ATG10: variants seen among roughly 807,000 people sequenced by gnomAD.
ATG10 encodes ubiquitin-like-conjugating enzyme ATG10.
A neutral mutation model predicts 32.1 loss-of-function variants in ATG10; 30 were observed. That is an observed-to-expected ratio of 0.94 (90% CI 0.70 to 1.27). The LOEUF (loss-of-function observed/expected upper bound fraction) is 1.27. Among genes scored for constraint, ATG10 ranks in the 50% most tolerant of loss-of-function variants. The probability of loss-of-function intolerance (pLI) is 0.00; values close to 1 mark genes in which losing one functional copy is unlikely to be tolerated. For synonymous variants in ATG10, 87 were observed against 91.5 expected (o/e 0.95, Z 0.28); for missense variants, 233 against 262.3 (o/e 0.89, Z 0.77).
At chr5:82,019,707 G>T (rs1446653465) in intron 2 of ATG10, among the ~76,000 whole-genome samples, 1 of 152,146 alleles carries the variant, frequency 6.6e-6, no homozygotes, top group East Asian at 1.9e-4. Context: ...ACCTACAGAT[G>T]GGGAGGGAGG....
intron 2 of ATG10, among the ~76,000 whole-genome samples, chr5:82,053,470 C>T (rs545484252): frequency 4.3e-3 from 3 of 690 alleles, no homozygotes; most frequent in South Asian, 0.05. Context: ...GTTAAGAATT[C>T]GTTGCATGCC....
intron 4 of ATG10, among the ~76,000 whole-genome samples, chr5:82,173,600 A>G (rs1277884807): frequency 1.3e-5 from 2 of 152,172 alleles, no homozygotes; most frequent in African/African-American, 2.4e-5. Flanking sequence ...CTCACTATGT[A>G]GGTTACTACT....
intron 2 of ATG10, among the ~76,000 whole-genome samples, chr5:82,007,834 T>C (rs1311665563): frequency 6.6e-6 from 1 of 152,168 alleles, no homozygotes; most frequent in Non-Finnish European, 1.5e-5. Flanking sequence ...TGCACACACA[T>C]ATATATATTT....
chr5:82,226,410 C>A (rs1421451555), intron 5 of ATG10, among the ~76,000 whole-genome samples: 1 of 151,844 alleles, frequency 6.6e-6, no homozygotes, highest in Non-Finnish European at 1.5e-5. Flanking sequence ...TATGTATAGT[C>A]AGTGAAATAA....
chr5:82,121,065 A>G (rs1766022886), intron 3 of ATG10, among the ~76,000 whole-genome samples: 1 of 152,218 alleles, frequency 6.6e-6, no homozygotes, highest in South Asian at 2.1e-4. Flanking sequence ...GGACCCAGGA[A>G]TAAGGGTTAG....
intron 3 of ATG10, among the ~76,000 whole-genome samples, chr5:82,077,212 A>G (rs1032631156): frequency 6.6e-6 from 1 of 152,150 alleles, no homozygotes; most frequent in Non-Finnish European, 1.5e-5. Context: ...AGTCCCAGCT[A>G]CACGAGAGGC....
At chr5:82,119,910 C>T (rs1392912884) in intron 3 of ATG10, among the ~76,000 whole-genome samples, 1 of 151,888 alleles carries the variant, frequency 6.6e-6, no homozygotes, top group African/African-American at 2.4e-5. Flanking sequence ...AGAGACAAAA[C>T]AACAACAACA....
At chr5:82,071,653 G>T (rs1199127177) in intron 3 of ATG10, among the ~76,000 whole-genome samples, 1 of 152,056 alleles carries the variant, frequency 6.6e-6, no homozygotes, top group African/African-American at 2.4e-5. Flanking sequence ...ACGTGTAGAG[G>T]GTAGTGGTGG....
chr5:82,051,198 A>G (rs1450104018), intron 2 of ATG10, among the ~76,000 whole-genome samples: 1 of 152,154 alleles, frequency 6.6e-6, no homozygotes, highest in Non-Finnish European at 1.5e-5. Context: ...GGTCACAGAA[A>G]TGAAAGCAAT....
chr5:82,086,290 C>T (rs1237913318), intron 3 of ATG10, among the ~76,000 whole-genome samples: 1 of 152,010 alleles, frequency 6.6e-6, no homozygotes, highest in Admixed American at 6.6e-5. Flanking sequence ...TTTCTGGTTA[C>T]TGTTATTAAT....
At chr5:82,148,836 G>A (rs1239963463) in intron 3 of ATG10, among the ~76,000 whole-genome samples, 1 of 152,044 alleles carries the variant, frequency 6.6e-6, no homozygotes, top group East Asian at 1.9e-4. Flanking sequence ...TTCCTTCTGT[G>A]ATTTCCATGT....
intron 2 of ATG10, among the ~76,000 whole-genome samples, chr5:81,998,899 A>G (rs1761747986): frequency 6.6e-6 from 1 of 152,208 alleles, no homozygotes; most frequent in Non-Finnish European, 1.5e-5. Context: ...AAGTTCTTAA[A>G]GACCTACAAA....
intron 5 of ATG10, among the ~76,000 whole-genome samples, chr5:82,229,725 C>T (rs984154648): frequency 2.6e-5 from 4 of 152,128 alleles, no homozygotes; most frequent in Non-Finnish European, 5.9e-5. Flanking sequence ...AAGGAATAGT[C>T]AGTCCTCCAT....
intron 3 of ATG10, among the ~76,000 whole-genome samples, chr5:82,129,087 C>A (rs945671863): frequency 3.3e-5 from 5 of 151,592 alleles, no homozygotes; most frequent in African/African-American, 1.2e-4. Flanking sequence ...TGCTTTATTT[C>A]CTTAAGTTGA....
intron 2 of ATG10, among the ~76,000 whole-genome samples, chr5:82,055,771 G>A (rs1056346272): frequency 2.0e-5 from 3 of 152,048 alleles, no homozygotes; most frequent in Non-Finnish European, 2.9e-5. Flanking sequence ...ATGACATTTC[G>A]GTCAAGAACA....
intron 2 of ATG10, among the ~76,000 whole-genome samples, chr5:82,020,789 C>T (rs1263456260): frequency 2.0e-5 from 3 of 152,100 alleles, no homozygotes; most frequent in African/African-American, 7.2e-5. Context: ...AAAGAGGCCA[C>T]ATTCAGAGTT....
intron 5 of ATG10, among the ~76,000 whole-genome samples, chr5:82,192,891 A>C (rs1744714051): frequency 6.6e-6 from 1 of 152,244 alleles, no homozygotes; most frequent in Non-Finnish European, 1.5e-5. Flanking sequence ...TAGTACATTT[A>C]CTTACCTACA....
chr5:82,011,088 GT>G (rs1403642796), intron 2 of ATG10, among the ~76,000 whole-genome samples: 1 of 152,114 alleles, frequency 6.6e-6, no homozygotes, highest in African/African-American at 2.4e-5. Context: ...TTTATACAAA[GT>G]TTAATTATGT....
intron 2 of ATG10, among the ~76,000 whole-genome samples, chr5:82,014,196 G>A (rs1223241098): frequency 1.3e-5 from 2 of 152,216 alleles, no homozygotes; most frequent in Admixed American, 1.3e-4. Context: ...CTGAGAGACA[G>A]TTTGTTATAA....
Sources: gnomAD v4.1 joint callset for allele counts (sites outside exome capture counted in the v4.1 genomes callset) on GRCh38, gnomAD v4.1.1 for gene constraint, MANE v1.5 for transcripts, NCBI Gene and HGNC (gene_info 2026-07-23, HGNC 2026-07-21) for gene names.